The following PDE6C variants were observed in gnomAD, a reference collection of about 807,000 sequenced individuals.
PDE6C encodes the protein cone cGMP-specific 3',5'-cyclic phosphodiesterase subunit alpha'.
In PDE6C, 75 loss-of-function variants were observed where a neutral mutation model predicts 113.1. The ratio of observed to expected loss-of-function variants is 0.66; its 90% CI spans 0.55 to 0.80. PDE6C has a LOEUF of 0.80. PDE6C is among the 30% of genes least tolerant of loss of function. PDE6C has a pLI of 0.00. For missense variants in PDE6C, 912 were observed against 1,038.6 expected, an observed-to-expected ratio of 0.88 and a Z score of 1.67; for synonymous variants, 375 against 363.7, an observed-to-expected ratio of 1.03 and a Z score of -0.35.
intron 8 of PDE6C, among the ~76,000 whole-genome samples, chr10:93,629,630 T>TG (rs1366543438): frequency 1.3e-5 from 2 of 152,014 alleles, no homozygotes; most frequent in African/African-American, 2.4e-5. Flanking sequence ...AGAATGAGGG[T>TG]GGGGTGGGAG....
At chr10:93,633,465 CA>C (rs111369291) in intron 8 of PDE6C, among the ~76,000 whole-genome samples, 47,334 of 87,230 alleles carry the variant, frequency 0.54, 8,902 homozygotes, top group East Asian at 0.66. Context: ...GACCCTGTCT[CA>C]AAAAAAAAAA....
chr10:93,649,741 A>G (rs2133871805), intron 15 of PDE6C, among the ~76,000 whole-genome samples: 1 of 152,208 alleles, frequency 6.6e-6, no homozygotes, highest in South Asian at 2.1e-4. Flanking sequence ...AGTAGCTAGG[A>G]TTATAGGCAT....
chr10:93,662,516 T>G, intron 19 of PDE6C, 44 bp from the exon 20 acceptor site: 1 of 813,802 alleles, frequency 1.2e-6, no homozygotes, highest in Non-Finnish European at 2.2e-6. Context: ...GTTTTGTTCA[T>G]ACATCTTAGA....
At chr10:93,658,850 T>G in intron 16 of PDE6C, 51 bp from the exon 17 acceptor site, 1 of 1,062,900 alleles carries the variant, frequency 9.4e-7, no homozygotes, top group Non-Finnish European at 1.5e-6. Flanking sequence ...AAGATATTTT[T>G]TCTCTCTTTT....
chr10:93,616,985 C>T (rs1243096084), intron 1 of PDE6C, among the ~76,000 whole-genome samples: 7 of 152,178 alleles, frequency 4.6e-5, no homozygotes, highest in Admixed American at 2.6e-4. Context: ...TTTCTCTATT[C>T]GGAAAGCTGT....
chr10:93,625,485 C>A, intron 4 of PDE6C, 90 bp from the exon 5 acceptor site: 2 of 917,574 alleles, frequency 2.2e-6, no homozygotes, highest in Non-Finnish European at 3.6e-6. Flanking sequence ...CGTAGATTAA[C>A]ATAAAATATA....
At chr10:93,638,480 C>G (rs916656551) in intron 11 of PDE6C, among the ~76,000 whole-genome samples, 1 of 152,134 alleles carries the variant, frequency 6.6e-6, no homozygotes, top group Non-Finnish European at 1.5e-5. Context: ...TAGGCATCTT[C>G]TTGGAAAACA....
chr10:93,620,937 A>G lies in PDE6C; in HGVS notation c.680A>G (p.His227Arg). 1 of 1,614,156 alleles carries G rather than the reference A, an allele frequency of 6.2e-7. No homozygotes were observed. The highest frequency in any genetic ancestry group is 8.5e-7 in the Non-Finnish European group (1 of 1,179,996). The change falls in exon 3 of 22, where the codon CAT becomes CGT. Residue 227 changes from histidine to arginine, a missense_variant. By Grantham distance (29) the His-to-Arg change is conservative. Transcript: ENST00000371447. ...TTTGTGTCTATCATCCTAAGGCTTC[A>G]TCACACCAGCTACATGTACAATATT... Reference protein sequence around the residue: ...LNFVSIILRLHHTSYMYNIES... With the variant: ...LNFVSIILRLRHTSYMYNIES...
intron 14 of PDE6C, 68 bp from the exon 15 acceptor site, chr10:93,645,892 C>G (rs2058581676): frequency 2.2e-6 from 2 of 906,576 alleles, no homozygotes; most frequent in Non-Finnish European, 3.7e-6. Context: ...TAAGAAAAAT[C>G]CTGAATTGTA....
chr10:93,625,724 G>T, intron 5 of PDE6C, 75 bp downstream of exon 5: 1 of 991,078 alleles, frequency 1.0e-6, no homozygotes, highest in South Asian at 1.3e-5. Context: ...ACAGTGCATA[G>T]AGCACTGGCC....
At chr10:93,641,700 C>T (rs12260939) in intron 14 of PDE6C, among the ~76,000 whole-genome samples, 2,099 of 152,274 alleles carry the variant, frequency 0.014, 54 homozygotes, top group African/African-American at 0.049. Context: ...TAGGCTTACA[C>T]TTGTACACTC....
chr10:93,644,852 ATAGT>A (rs2058576309), intron 14 of PDE6C, among the ~76,000 whole-genome samples: 2 of 140,420 alleles, frequency 1.4e-5, no homozygotes, highest in Non-Finnish European at 1.6e-5. Flanking sequence ...GTACATATAT[ATAGT>A]GTATATATAT....
In PDE6C at chr10:93,647,627, G is replaced by A. The variant is rs2058590893; in HGVS notation, c.1935+1580G>A. Among the ~76,000 whole-genome samples, 6 of 152,242 alleles carry A rather than the reference G, an allele frequency of 3.9e-5. 1 individual carries two copies. In the South Asian group the frequency reaches 1.2e-3, roughly 32 times the overall value. On this transcript the variant is annotated intron_variant, in intron 15 of 21. Coordinates refer to ENST00000371447, the MANE Select transcript of PDE6C (RefSeq NM_006204.4). ...TGGTGGTTCTCAGACATGGGTACCT[G>A]GACCAACTCTTTCAGACTCATTAAT...
At chr10:93,641,747 A>T (rs1029898049) in intron 14 of PDE6C, among the ~76,000 whole-genome samples, 1 of 152,076 alleles carries the variant, frequency 6.6e-6, no homozygotes, top group African/African-American at 2.4e-5. Context: ...AGAGAATACT[A>T]CCCCTGGGCT....
intron 15 of PDE6C, among the ~76,000 whole-genome samples, chr10:93,646,324 G>A (rs591392): frequency 0.23 from 34,843 of 151,964 alleles, 4,120 homozygotes; most frequent in Admixed American, 0.28. Flanking sequence ...AAAGGGCTCC[G>A]TGCACCCCAA....
chr10:93,630,595 C>A (rs988935605), intron 8 of PDE6C, among the ~76,000 whole-genome samples: 1 of 152,078 alleles, frequency 6.6e-6, no homozygotes, highest in Admixed American at 6.6e-5. Context: ...AAAACATCCC[C>A]TTAGAGCCCT....
intron 15 of PDE6C, among the ~76,000 whole-genome samples, chr10:93,654,800 TTCTTTC>T (rs1485889279): frequency 8.8e-5 from 8 of 90,532 alleles, no homozygotes; most frequent in African/African-American, 2.7e-4. Flanking sequence ...CTTTCTTTCT[TTCTTTC>T]TTTCTTTTTT....
chr10:93,655,032 T>A (rs2058629998), intron 15 of PDE6C, among the ~76,000 whole-genome samples: 1 of 151,922 alleles, frequency 6.6e-6, no homozygotes, highest in Non-Finnish European at 1.5e-5. Context: ...CCCAGGCTGG[T>A]CTTGAACTCC....
chr10:93,621,911 C>G, intron 3 of PDE6C, 21 bp from the exon 4 acceptor site: 1 of 1,610,964 alleles, frequency 6.2e-7, no homozygotes, highest in Non-Finnish European at 8.5e-7. Context: ...TAACTGTTTT[C>G]TTTTTGATAC....
Sources: allele counts gnomAD v4.1 joint callset (sites outside exome capture counted in the v4.1 genomes callset), GRCh38; gene constraint gnomAD v4.1.1; transcripts MANE v1.5; gene names NCBI Gene and HGNC (gene_info 2026-07-23, HGNC 2026-07-21).